DARS1: variants seen among roughly 807,000 people sequenced by gnomAD.
The protein encoded by DARS1 is aspartyl-tRNA synthetase 1, also known as aspartate--tRNA ligase, cytoplasmic.
In DARS1, 51 loss-of-function variants were observed where a neutral mutation model predicts 68.8. That is an observed-to-expected ratio of 0.74 (90% CI 0.59 to 0.94). DARS1 has a LOEUF of 0.94. Among genes scored for constraint, DARS1 ranks in the 40% least tolerant of loss-of-function variants. DARS1 has a pLI of 0.00. For missense variants in DARS1, 607 were observed against 597.3 expected (o/e 1.02, Z -0.17); for synonymous variants, 203 against 190.4 (o/e 1.07, Z -0.55).
chr2:135,924,613 C>A, intron 7 of DARS1, 115 bp from the exon 8 acceptor site: 1 of 1,414,676 alleles, frequency 7.1e-7, no homozygotes. Flanking sequence ...TTTTTAAATT[C>A]TAATAATTGG....
chr2:135,915,976 G>C (rs309171), intron 11 of DARS1, among the ~76,000 whole-genome samples: 29,634 of 152,078 alleles, frequency 0.19, 3,211 homozygotes, highest in Middle Eastern at 0.41. Flanking sequence ...TTATATAAAA[G>C]AGCATCATAC....
At chr2:135,955,067 G>A (rs1681941034) in intron 4 of DARS1, among the ~76,000 whole-genome samples, 1 of 151,610 alleles carries the variant, frequency 6.6e-6, no homozygotes, top group African/African-American at 2.4e-5. Flanking sequence ...GGTAGAGACT[G>A]GGGGATGACC....
intron 7 of DARS1, among the ~76,000 whole-genome samples, chr2:135,930,283 T>C (rs745648347): frequency 1.3e-5 from 2 of 152,192 alleles, no homozygotes; most frequent in Non-Finnish European, 2.9e-5. Context: ...GTAGGGGCTA[T>C]TTGATAGTGT....
intron 11 of DARS1, among the ~76,000 whole-genome samples, chr2:135,915,017 A>T (rs1415893660): frequency 6.6e-6 from 1 of 152,134 alleles, no homozygotes; most frequent in Non-Finnish European, 1.5e-5. Context: ...TAAAATACTT[A>T]AAAAAATACT....
intron 7 of DARS1, among the ~76,000 whole-genome samples, chr2:135,930,349 T>TAGGA (rs971782362): frequency 2.6e-5 from 4 of 152,178 alleles, no homozygotes; most frequent in African/African-American, 9.6e-5. Flanking sequence ...AAGAGAACTT[T>TAGGA]AGGAATGCCA....
intron 4 of DARS1, among the ~76,000 whole-genome samples, chr2:135,944,809 C>T (rs1681682938): frequency 6.6e-6 from 1 of 152,200 alleles, no homozygotes; most frequent in African/African-American, 2.4e-5. Flanking sequence ...TGTCACTGAA[C>T]TGAATCTATC....
At chr2:135,938,269 C>T (rs1681514279) in intron 5 of DARS1, among the ~76,000 whole-genome samples, 1 of 152,192 alleles carries the variant, frequency 6.6e-6, no homozygotes, top group African/African-American at 2.4e-5. Context: ...CTTTCTTCCA[C>T]TTGATCAAAT....
At chr2:135,925,655 A>G (rs561022467) in intron 7 of DARS1, among the ~76,000 whole-genome samples, 4 of 152,282 alleles carry the variant, frequency 2.6e-5, no homozygotes, top group African/African-American at 9.6e-5. Flanking sequence ...AAACAATAAA[A>G]CCATTTCAAA....
At position 135,924,473 on chromosome 2, in the gene DARS1, C is replaced by T. The variant is rs141522501; in HGVS notation, c.590G>A (p.Arg197His). 8.5e-4 allele frequency: 1,365 copies of T among 1,607,008 alleles called. 5 individuals are homozygous for T. The highest frequency in any genetic ancestry group is 6.0e-3 in the African/African-American group (447 of 74,460). The change falls in exon 8 of 16, where the codon CGT becomes CAT. Residue 197 changes from arginine (R) to histidine (H), a missense_variant. Physicochemically the swap from Arg to His is conservative, Grantham distance 29 (BLOSUM62 0). Transcript: ENST00000264161. Reference sequence around the variant, plus strand: ...GAGATGGCAGATGCCAGACTGGAGACGGAAGACTGCCTGACTAGTTGATGT... The same window carrying T: ...GAGATGGCAGATGCCAGACTGGAGATGGAAGACTGCCTGACTAGTTGATGT... ...LRTSTSQAVF[R>H]LQSGICHLFR...
At chr2:135,920,835 T>G (rs949499426) in intron 9 of DARS1, among the ~76,000 whole-genome samples, 87 of 151,974 alleles carry the variant, frequency 5.7e-4, no homozygotes, top group African/African-American at 2.1e-3. Context: ...ATAAGAGAGG[T>G]TCATGAGAAC....
rs570179797 is a variant in DARS1, at chr2:135,936,794, C to T, written c.424-2804G>A. ...GTAAAAATTACAAGGTTTTGTAAGT[C>T]TTGAAGAGTTCCAAGAAAACAGATT... On this transcript the variant is annotated intron_variant, in intron 5 of 15. Coordinates refer to ENST00000264161, the MANE Select transcript of DARS1 (RefSeq NM_001349.4). Among the ~76,000 whole-genome samples, 6 of 152,266 alleles carry T rather than the reference C, an allele frequency of 3.9e-5. No homozygotes were observed. The East Asian group carries it at 9.7e-4, about 24-fold the overall frequency.
chr2:135,931,483 C>G (rs1198075315), intron 7 of DARS1, among the ~76,000 whole-genome samples: 7 of 152,240 alleles, frequency 4.6e-5, no homozygotes, highest in South Asian at 2.1e-4. Flanking sequence ...AGCATTCTTC[C>G]CACCTCAGGC....
intron 5 of DARS1, among the ~76,000 whole-genome samples, chr2:135,940,841 T>C (rs1681579441): frequency 6.6e-6 from 1 of 152,088 alleles, no homozygotes; most frequent in Admixed American, 6.5e-5. Flanking sequence ...TGTACAAAAA[T>C]CACAAGCCTT....
At chr2:135,981,081 G>C (rs1682621042) in intron 2 of DARS1, among the ~76,000 whole-genome samples, 7 of 152,186 alleles carry the variant, frequency 4.6e-5, no homozygotes, top group African/African-American at 1.7e-4. Context: ...AAACCACCTT[G>C]AGCAAAGAAT....
chr2:135,964,233 C>T (rs1363857606), intron 3 of DARS1, among the ~76,000 whole-genome samples: 1 of 152,144 alleles, frequency 6.6e-6, no homozygotes, highest in African/African-American at 2.4e-5. Context: ...AAAAAAACCA[C>T]CAAAATGTGG....
At chr2:135,970,658 T>C (rs967590954) in intron 3 of DARS1, among the ~76,000 whole-genome samples, 1 of 151,704 alleles carries the variant, frequency 6.6e-6, no homozygotes. Context: ...AAAAGATCAA[T>C]GAAACAAAAA....
chr2:135,911,574 A>G (rs1176893918), intron 13 of DARS1, 81 bp from the exon 14 acceptor site: 2 of 683,604 alleles, frequency 2.9e-6, no homozygotes, highest in Admixed American at 2.6e-5. Flanking sequence ...TCTCTGCTGC[A>G]TGAAGAGCAA....
chr2:135,937,125 G>A (rs780044126), intron 5 of DARS1, among the ~76,000 whole-genome samples: 4 of 152,022 alleles, frequency 2.6e-5, no homozygotes, highest in Non-Finnish European at 4.4e-5. Context: ...GTCTCACTTA[G>A]TCACGCAGGT....
At chr2:135,943,531 A>G in intron 4 of DARS1, 51 bp from the exon 5 acceptor site, 1 of 1,593,780 alleles carries the variant, frequency 6.3e-7, no homozygotes, top group East Asian at 2.2e-5. Flanking sequence ...GAGGTGTCAG[A>G]ACTCCTCTGG....
Sources: allele counts gnomAD v4.1 joint callset (sites outside exome capture counted in the v4.1 genomes callset), GRCh38; gene constraint gnomAD v4.1.1; transcripts MANE v1.5; gene names NCBI Gene and HGNC (gene_info 2026-07-23, HGNC 2026-07-21).